The following RBFOX1 variants were observed in gnomAD, a reference collection of about 807,000 sequenced individuals.
RBFOX1 encodes RNA binding protein fox-1 homolog 1.
In RBFOX1, 8 loss-of-function variants were observed where a neutral mutation model predicts 57.7. The ratio of observed to expected loss-of-function variants is 0.14; its 90% CI spans 0.08 to 0.25. The LOEUF (loss-of-function observed/expected upper bound fraction) is 0.25. Among genes scored for constraint, RBFOX1 ranks in the 10% least tolerant of loss-of-function variants. RBFOX1 has a pLI of 1.00. For synonymous variants in RBFOX1, 326 were observed against 222.4 expected, an observed-to-expected ratio of 1.47 and a Z score of -4.15; for missense variants, 611 against 548.5, an observed-to-expected ratio of 1.11 and a Z score of -1.14.
At chr16:6,529,300 T>A (rs1440214847) in intron 2 of RBFOX1, among the ~76,000 whole-genome samples, 1 of 152,148 alleles carries the variant, frequency 6.6e-6, no homozygotes, top group African/African-American at 2.4e-5. Context: ...CGGTGGCTCA[T>A]GCCTGTAATC....
intron 3 of RBFOX1, among the ~76,000 whole-genome samples, chr16:7,028,112 C>T (rs11866687): frequency 0.047 from 7,193 of 152,172 alleles, 580 homozygotes; most frequent in African/African-American, 0.16. Flanking sequence ...CACAGTTTGA[C>T]TGCCTAGAAG....
At chr16:5,410,378 A>G (rs946375569) in intron 1 of RBFOX1, among the ~76,000 whole-genome samples, 81 of 152,256 alleles carry the variant, frequency 5.3e-4, no homozygotes, top group African/African-American at 1.8e-3. Flanking sequence ...TCTCAAAAAA[A>G]AAAAAAGAAT....
intron 4 of RBFOX1, among the ~76,000 whole-genome samples, chr16:7,096,517 C>A (rs984672182): frequency 3.3e-5 from 5 of 152,100 alleles, no homozygotes; most frequent in Admixed American, 1.3e-4. Flanking sequence ...AGTTTTGAGG[C>A]CAATTTTCTT....
chr16:5,459,008 T>C (rs1047532350), intron 1 of RBFOX1, among the ~76,000 whole-genome samples: 1 of 152,218 alleles, frequency 6.6e-6, no homozygotes, highest in South Asian at 2.1e-4. Context: ...TTGGCCCATG[T>C]GATGTTCCAT....
intron 4 of RBFOX1, among the ~76,000 whole-genome samples, chr16:7,067,514 C>G (rs34953142): frequency 0.66 from 100,183 of 150,682 alleles, 33,871 homozygotes; most frequent in South Asian, 0.74. Flanking sequence ...AACTGAGGTC[C>G]CTGTTTTCTT....
chr16:5,676,626 T>C (rs182339094), intron 3 of RBFOX1, among the ~76,000 whole-genome samples: 1 of 152,282 alleles, frequency 6.6e-6, no homozygotes, highest in Non-Finnish European at 1.5e-5. Context: ...TTGGGGAGGC[T>C]GAAGCAGGAA....
intron 2 of RBFOX1, among the ~76,000 whole-genome samples, chr16:6,612,813 C>G (rs1280196557): frequency 6.7e-6 from 1 of 149,054 alleles, no homozygotes; most frequent in East Asian, 2.0e-4. Context: ...GATCATGCCA[C>G]TGCACTCCAG....
At position 6,733,751 on chromosome 16, in the gene RBFOX1, C is replaced by G. The variant is rs973216272; in HGVS notation, c.-16+79101C>G. The stretch of plus-strand genomic sequence containing the variant: ...CCAGCCCGGGCGAAAGAGCGAGACC[C>G]TGCCTTAAAAAAAAATTCTGACCTC... On this transcript the variant is annotated intron_variant, in intron 3 of 15. Transcript: ENST00000550418. 5.3e-5 allele frequency among the ~76,000 whole-genome samples: 8 copies of G among 151,250 alleles called. No homozygotes were observed. In the East Asian group the frequency reaches 7.8e-4, roughly 15 times the overall value.
chr16:5,894,519 C>G (rs1459695519), intron 4 of RBFOX1, among the ~76,000 whole-genome samples: 1 of 152,100 alleles, frequency 6.6e-6, no homozygotes, highest in Non-Finnish European at 1.5e-5. Flanking sequence ...AGATAACCCA[C>G]CAGCCTTGGC....
intron 4 of RBFOX1, among the ~76,000 whole-genome samples, chr16:7,394,814 C>G (rs1597352119): frequency 6.6e-6 from 1 of 152,210 alleles, no homozygotes. Context: ...GCTGCAGACT[C>G]ATCCAGGATT....
At chr16:7,379,322 T>TA (rs749519553) in intron 4 of RBFOX1, among the ~76,000 whole-genome samples, 1 of 152,192 alleles carries the variant, frequency 6.6e-6, no homozygotes, top group African/African-American at 2.4e-5. Context: ...TAGACTGTTT[T>TA]AAAATAATAA....
chr16:6,672,912 C>T (rs539056486), intron 3 of RBFOX1, among the ~76,000 whole-genome samples: 1 of 152,120 alleles, frequency 6.6e-6, no homozygotes, highest in African/African-American at 2.4e-5. Context: ...CTGAATCCCC[C>T]TAGACCCCAG....
At chr16:7,066,969 G>A (rs2056204214) in intron 4 of RBFOX1, among the ~76,000 whole-genome samples, 1 of 152,150 alleles carries the variant, frequency 6.6e-6, no homozygotes. Context: ...TCATTCCAAA[G>A]ACACATGGAA....
chr16:7,289,987 C>G (rs1190866610), intron 4 of RBFOX1, among the ~76,000 whole-genome samples: 1 of 152,166 alleles, frequency 6.6e-6, no homozygotes, highest in South Asian at 2.1e-4. Flanking sequence ...CCAGAATAAG[C>G]TCTTTTAATT....
intron 4 of RBFOX1, among the ~76,000 whole-genome samples, chr16:6,009,372 C>T (rs899578281): frequency 2.4e-4 from 36 of 152,190 alleles, no homozygotes; most frequent in Admixed American, 2.4e-3. Flanking sequence ...CAGGGCTTGA[C>T]TGCCTCCAGT....
intron 2 of RBFOX1, among the ~76,000 whole-genome samples, chr16:6,390,035 T>C (rs2092516304): frequency 6.6e-6 from 1 of 152,086 alleles, no homozygotes; most frequent in East Asian, 1.9e-4. Flanking sequence ...GGTCAGGAGC[T>C]CCATCTTCTC....
At position 6,736,841 on chromosome 16, in the gene RBFOX1, C is replaced by A. The variant is rs558404935; in HGVS notation, c.-16+82191C>A. ...ACATCTGAATTCCAGATGTGGATAC[C>A]CTGGAAAGTGGGATACCTAGAGTCT... On this transcript the variant is annotated intron_variant, in intron 3 of 15. Coordinates refer to ENST00000550418, the MANE Select transcript of RBFOX1 (RefSeq NM_018723.4). Among the ~76,000 whole-genome samples, 10 of 152,118 alleles carry A rather than the reference C, an allele frequency of 6.6e-5. No homozygotes were observed. The South Asian group carries it at 2.1e-3, about 32-fold the overall frequency.
intron 2 of RBFOX1, among the ~76,000 whole-genome samples, chr16:6,547,261 G>T (rs936244559): frequency 6.6e-6 from 1 of 151,986 alleles, no homozygotes; most frequent in East Asian, 1.9e-4. Flanking sequence ...TTTCTTCCTG[G>T]GAATCATTAC....
intron 4 of RBFOX1, among the ~76,000 whole-genome samples, chr16:7,103,973 A>G (rs937526707): frequency 3.3e-5 from 5 of 152,304 alleles, no homozygotes; most frequent in African/African-American, 1.2e-4. Flanking sequence ...GGTTTACACA[A>G]CTTGCTCCCT....
Sources: gnomAD v4.1 joint callset for allele counts (sites outside exome capture counted in the v4.1 genomes callset) on GRCh38, gnomAD v4.1.1 for gene constraint, MANE v1.5 for transcripts, NCBI Gene and HGNC (gene_info 2026-07-23, HGNC 2026-07-21) for gene names.